Variants in SDK1 observed in about 807,000 individuals in gnomAD.
The protein encoded by SDK1 is sidekick cell adhesion molecule 1, also known as protein sidekick-1.
In SDK1, 157 loss-of-function variants were observed where a neutral mutation model predicts 245.5. The observed-to-expected ratio is 0.64, with a 90% confidence interval of 0.56 to 0.73. The LOEUF is 0.73. Ranked by LOEUF, SDK1 falls within the 30% of genes least tolerant of loss-of-function variation. The pLI, the probability that SDK1 is intolerant of heterozygous loss-of-function variation, is 0.00. For missense variants in SDK1, 3,583 were observed against 3,002.3 expected (o/e 1.19, Z -4.52); for synonymous variants, 1,647 against 1,278.5 (o/e 1.29, Z -6.15).
At chr7:3,990,047 C>T (rs1361635662) in intron 14 of SDK1, among the ~76,000 whole-genome samples, 1 of 152,240 alleles carries the variant, frequency 6.6e-6, no homozygotes, top group Non-Finnish European at 1.5e-5. Flanking sequence ...TGCTGTCCTG[C>T]ACTACAGCGG....
chr7:4,208,061 C>T, intron 36 of SDK1, 38 bp from the exon 37 acceptor site: 3 of 1,544,518 alleles, frequency 1.9e-6, no homozygotes, highest in Non-Finnish European at 1.8e-6. Context: ...TGGAAGGCTT[C>T]CCCAGGACCC....
At chr7:3,672,624 A>G (rs1439437434) in intron 4 of SDK1, among the ~76,000 whole-genome samples, 1 of 141,586 alleles carries the variant, frequency 7.1e-6, no homozygotes, top group Non-Finnish European at 1.5e-5. Context: ...TATAATATAT[A>G]ATAATATATA....
Position 3,848,039 on chromosome 7 carries a change from G to A in SDK1, c.847+26456G>A, listed in dbSNP as rs115392249. ...TACACACATGTGCATATGTGCACAA[G>A]CACATACACATACAAACCGTATTTG... On this transcript the variant is annotated intron_variant, in intron 5 of 44. Transcript: ENST00000404826. 4.0e-3 allele frequency among the ~76,000 whole-genome samples: 605 copies of A among 152,262 alleles called. 3 individuals carry two copies. Among genetic ancestry groups the A allele is most frequent in the African/African-American group, 0.014 (567 of 41,544 alleles).
intron 1 of SDK1, among the ~76,000 whole-genome samples, chr7:3,566,602 A>C (rs1001862636): frequency 6.6e-6 from 1 of 152,084 alleles, no homozygotes; most frequent in South Asian, 2.1e-4. Context: ...ATTCTGTTCA[A>C]TGAAGGTATC....
At chr7:3,549,860 G>C (rs1479509359) in intron 1 of SDK1, among the ~76,000 whole-genome samples, 1 of 151,962 alleles carries the variant, frequency 6.6e-6, no homozygotes, top group Non-Finnish European at 1.5e-5. Context: ...CATAGGCATA[G>C]GCCGACTCTT....
Position 4,266,395 on chromosome 7 carries a change from A to C in SDK1, c.*1011A>C, listed in dbSNP as rs1285491031. ...ACAGTGTCTGCAAATAAAGCAAAAC[A>C]GCTCTGAGAACACACGCTCCCGACT... is the stretch of plus-strand genomic sequence containing the variant. On this transcript the variant is annotated 3_prime_UTR_variant, in exon 45 of 45. Coordinates refer to ENST00000404826, the MANE Select transcript of SDK1 (RefSeq NM_152744.4). The C allele has an allele frequency of 1.0e-6, 1 of 985,278 alleles. No homozygotes were observed. The highest frequency in any genetic ancestry group is 6.2e-5 in the Admixed American group (1 of 16,260). The allele number at this position is 985,278 out of a possible 1,614,324, so 61.0% of individuals were successfully genotyped here. A position where few individuals can be genotyped will look rare whatever the true frequency, so the allele number is the denominator to read the frequency against.
At chr7:3,385,876 T>C (rs1295191772) in intron 1 of SDK1, among the ~76,000 whole-genome samples, 4 of 152,166 alleles carry the variant, frequency 2.6e-5, no homozygotes, top group Non-Finnish European at 5.9e-5. Flanking sequence ...TTCAGCACTT[T>C]AATGACTCTG....
chr7:3,826,102 G>T (rs1779767949), intron 5 of SDK1, among the ~76,000 whole-genome samples: 1 of 152,210 alleles, frequency 6.6e-6, no homozygotes, highest in South Asian at 2.1e-4. Context: ...TGTGAGGCAT[G>T]CTCTGCCCTG....
intron 5 of SDK1, among the ~76,000 whole-genome samples, chr7:3,930,467 C>G (rs1042477827): frequency 4.6e-5 from 7 of 152,148 alleles, no homozygotes; most frequent in African/African-American, 1.4e-4. Flanking sequence ...AGGCAGGTCT[C>G]AAGAATACCA....
chr7:4,033,615 G>GAGA (rs1265928159), intron 17 of SDK1, among the ~76,000 whole-genome samples: 3 of 152,138 alleles, frequency 2.0e-5, no homozygotes, highest in Non-Finnish European at 4.4e-5. Context: ...CTCTAAAACA[G>GAGA]AGAAGAAGAA....
intron 1 of SDK1, among the ~76,000 whole-genome samples, chr7:3,552,261 T>A (rs1779442585): frequency 6.6e-6 from 1 of 152,096 alleles, no homozygotes; most frequent in African/African-American, 2.4e-5. Flanking sequence ...ATGGTCTCGA[T>A]CGATCTCCTG....
intron 5 of SDK1, among the ~76,000 whole-genome samples, chr7:3,914,112 G>A (rs1339116503): frequency 6.6e-6 from 1 of 152,188 alleles, no homozygotes; most frequent in African/African-American, 2.4e-5. Flanking sequence ...TTTGCATTTA[G>A]TGCAAACCCA....
Position 4,116,225 on chromosome 7 carries a change from C to T in SDK1, c.3823+1951C>T, listed in dbSNP as rs150059900. Among the ~76,000 whole-genome samples, 803 of 152,288 alleles carry T rather than the reference C, an allele frequency of 5.3e-3. 10 individuals are homozygous for T. The highest frequency in any genetic ancestry group is 0.017 in the African/African-American group (718 of 41,554). The stretch of plus-strand genomic sequence containing the variant: ...AGCAATAAGGAAAGGGGACTTGGAG[C>T]CCTGGGCGGTGCCACCCCCTCACCT... On this transcript the variant is annotated intron_variant, in intron 25 of 44. Transcript: ENST00000404826.
chr7:3,783,538 A>T (rs370634760), intron 4 of SDK1, among the ~76,000 whole-genome samples: 1 of 152,168 alleles, frequency 6.6e-6, no homozygotes, highest in East Asian at 1.9e-4. Context: ...TACAAAATCA[A>T]CACACAAAAA....
rs548056343 is a variant in SDK1 at position 3,657,620 on chromosome 7, ATGGGGTCAAGCCATCTGT to A, written c.713+15517_713+15534del. On this transcript the variant is annotated intron_variant, in intron 4 of 44. Coordinates refer to ENST00000404826, the MANE Select transcript of SDK1 (RefSeq NM_152744.4). ...ACTCGGGTTTTTTTCCACCTGTGAAATGGGGTCAAGCCATCTGTTTGGCCTCTGAGGAGGTGTGGAAGG... is the reference window on the plus strand; with the variant it reads ...ACTCGGGTTTTTTTCCACCTGTGAAATTGGCCTCTGAGGAGGTGTGGAAGG... Among the ~76,000 whole-genome samples the A allele has an allele frequency of 2.0e-3, 307 of 152,232 alleles. 4 individuals are homozygous for A. Among genetic ancestry groups the A allele is most frequent in the African/African-American group, 7.3e-3 (302 of 41,528 alleles).
intron 4 of SDK1, among the ~76,000 whole-genome samples, chr7:3,762,375 G>A (rs755749460): frequency 1.1e-4 from 16 of 152,196 alleles, no homozygotes; most frequent in Admixed American, 2.6e-4. Flanking sequence ...GCGGCTCTGC[G>A]CCCTCATAGA....
chr7:3,395,569 A>G (rs1781876230), intron 1 of SDK1, among the ~76,000 whole-genome samples: 1 of 151,956 alleles, frequency 6.6e-6, no homozygotes, highest in Admixed American at 6.6e-5. Context: ...GAGTATTAAT[A>G]TTATTTCCTC....
intron 1 of SDK1, among the ~76,000 whole-genome samples, chr7:3,448,573 T>C (rs1174675393): frequency 6.6e-6 from 1 of 152,170 alleles, no homozygotes; most frequent in African/African-American, 2.4e-5. Context: ...CTCTTATGAA[T>C]GTTACTGTCT....
Position 4,070,262 on chromosome 7 carries a change from C to T in SDK1, c.3010+2326C>T, listed in dbSNP as rs375923367. ...CTGCCCACCTTCTCAGACCTTGGGA[C>T]CAGATGGTCCCTCGTCACCCTCATT... On this transcript the variant is annotated intron_variant, in intron 20 of 44. Coordinates refer to ENST00000404826, the MANE Select transcript of SDK1 (RefSeq NM_152744.4). Among the ~76,000 whole-genome samples the T allele has an allele frequency of 2.0e-5, 3 of 152,222 alleles. No homozygotes were observed. The East Asian group carries it at 5.8e-4, about 29-fold the overall frequency.
Sources: gnomAD v4.1 joint callset for allele counts (sites outside exome capture counted in the v4.1 genomes callset) on GRCh38, gnomAD v4.1.1 for gene constraint, MANE v1.5 for transcripts, NCBI Gene and HGNC (gene_info 2026-07-23, HGNC 2026-07-21) for gene names.